Variants in GRID2 observed in about 807,000 individuals in gnomAD.
GRID2 encodes glutamate ionotropic receptor delta type subunit 2.
Under a neutral mutation model 114.8 loss-of-function variants are expected in GRID2, and 33 were observed. The ratio of observed to expected loss-of-function variants is 0.29; its 90% CI spans 0.22 to 0.38. The LOEUF (loss-of-function observed/expected upper bound fraction) is 0.38, where lower values mean the gene tolerates loss of function less well. Among genes scored for constraint, GRID2 ranks in the 10% least tolerant of loss-of-function variants. GRID2 has a pLI of 1.00. For missense variants in GRID2, 1,184 were observed against 1,257.7 expected, an observed-to-expected ratio of 0.94 and a Z score of 0.89; for synonymous variants, 505 against 449.9, an observed-to-expected ratio of 1.12 and a Z score of -1.55.
At chr4:92,971,025 A>T (rs970809914) in intron 2 of GRID2, among the ~76,000 whole-genome samples, 9 of 151,576 alleles carry the variant, frequency 5.9e-5, no homozygotes, top group African/African-American at 1.9e-4. Flanking sequence ...AAAAAAAAAA[A>T]TTTGTACAGA....
At chr4:92,485,849 AAATTTTACGTGG>A (rs1382009558) in intron 1 of GRID2, among the ~76,000 whole-genome samples, 1 of 152,136 alleles carries the variant, frequency 6.6e-6, no homozygotes, top group Admixed American at 6.6e-5. Context: ...AATTTTACAT[AAATTTTACGTGG>A]AATTTTACAT....
intron 10 of GRID2, among the ~76,000 whole-genome samples, chr4:93,446,949 T>C (rs1052662198): frequency 1.4e-4 from 22 of 151,772 alleles, no homozygotes; most frequent in African/African-American, 5.3e-4. Context: ...TTACAAAAAT[T>C]GATAATACAT....
intron 2 of GRID2, among the ~76,000 whole-genome samples, chr4:92,972,122 C>T (rs1161536693): frequency 1.3e-5 from 2 of 151,562 alleles, no homozygotes; most frequent in African/African-American, 4.8e-5. Flanking sequence ...AACTTCCATA[C>T]TGTTCTCCAT....
chr4:93,168,288 GAAGA>G (rs1186568372), intron 4 of GRID2, among the ~76,000 whole-genome samples: 7 of 151,090 alleles, frequency 4.6e-5, no homozygotes, highest in South Asian at 4.2e-4. Flanking sequence ...AAGGAAAGGG[GAAGA>G]AAGAAAGAGA....
chr4:92,527,989 A>G (rs983707855), intron 1 of GRID2, among the ~76,000 whole-genome samples: 1 of 152,044 alleles, frequency 6.6e-6, no homozygotes, highest in African/African-American at 2.4e-5. Context: ...TAATAATGCT[A>G]AAGATAAAAA....
rs188766416 is a variant in GRID2, at chr4:93,231,974, A to T, written c.1126-6397A>T. Among the ~76,000 whole-genome samples, 17 of 152,308 alleles carry T rather than the reference A, an allele frequency of 1.1e-4. No individual in the cohort carries two copies. In the East Asian group the frequency reaches 2.9e-3, roughly 26 times the overall value. ...TGGAAATTTCAAAACTAGCAGGCTT[A>T]GGATATATAAAGCTATGGAAGGAGG... On this transcript the variant is annotated intron_variant, in intron 7 of 15. Transcript: ENST00000282020.
chr4:93,228,786 T>C (rs534825433), intron 7 of GRID2, among the ~76,000 whole-genome samples: 2 of 152,294 alleles, frequency 1.3e-5, no homozygotes, highest in East Asian at 1.9e-4. Flanking sequence ...TATTTCTTCT[T>C]CTGAAGCTTT....
chr4:92,914,262 T>C, intron 2 of GRID2, among the ~76,000 whole-genome samples: 1 of 152,134 alleles, frequency 6.6e-6, no homozygotes, highest in South Asian at 2.1e-4. Flanking sequence ...TTTTACTCAA[T>C]AGTCTATTGG....
chr4:92,797,986 G>C (rs1432735147), intron 2 of GRID2, among the ~76,000 whole-genome samples: 1 of 151,946 alleles, frequency 6.6e-6, no homozygotes, highest in Non-Finnish European at 1.5e-5. Context: ...TTTTAATGGA[G>C]CAGTCAGCCT....
intron 1 of GRID2, among the ~76,000 whole-genome samples, chr4:92,431,136 AC>A (rs1160682509): frequency 1.4e-4 from 22 of 152,312 alleles, no homozygotes; most frequent in African/African-American, 5.1e-4. Context: ...CACTTCCAGT[AC>A]AATGTTGAAT....
intron 14 of GRID2, among the ~76,000 whole-genome samples, chr4:93,733,398 A>T (rs1258218367): frequency 6.6e-6 from 1 of 152,184 alleles, no homozygotes; most frequent in Non-Finnish European, 1.5e-5. Flanking sequence ...TACAAAGTAG[A>T]TCAAAACTAG....
intron 8 of GRID2, among the ~76,000 whole-genome samples, chr4:93,271,682 T>C (rs890602003): frequency 2.0e-4 from 31 of 152,264 alleles, no homozygotes; most frequent in African/African-American, 7.5e-4. Flanking sequence ...AGAAAGGTCA[T>C]AGGACCTGTC....
intron 1 of GRID2, among the ~76,000 whole-genome samples, chr4:92,433,750 T>A (rs921273615): frequency 2.0e-5 from 3 of 152,186 alleles, no homozygotes; most frequent in Non-Finnish European, 4.4e-5. Context: ...TAGGTGTTCC[T>A]GTGGGGAGGA....
intron 4 of GRID2, among the ~76,000 whole-genome samples, chr4:93,136,902 A>G (rs1198328285): frequency 6.6e-6 from 1 of 152,198 alleles, no homozygotes. Flanking sequence ...CTTGTTACCA[A>G]AAATATTAAA....
intron 14 of GRID2, among the ~76,000 whole-genome samples, chr4:93,657,310 C>T (rs1723105500): frequency 6.6e-6 from 1 of 151,888 alleles, no homozygotes; most frequent in Non-Finnish European, 1.5e-5. Context: ...TATTGTATAT[C>T]ATATGTAATA....
At chr4:93,676,432 G>A (rs527772781) in intron 14 of GRID2, among the ~76,000 whole-genome samples, 12 of 152,112 alleles carry the variant, frequency 7.9e-5, no homozygotes, top group Non-Finnish European at 1.5e-4. Flanking sequence ...TGTGCATAAA[G>A]AAGAAAGTCC....
At chr4:93,137,982 T>TTTTTTTTTTTTTTTTTC (rs1560918532) in intron 4 of GRID2, among the ~76,000 whole-genome samples, 1 of 141,892 alleles carries the variant, frequency 7.0e-6, no homozygotes, top group African/African-American at 2.6e-5. Flanking sequence ...TTTTTTTTTT[T>TTTTTTTTTTTTTTTTTC]TTTTTTTTGA....
intron 2 of GRID2, among the ~76,000 whole-genome samples, chr4:93,060,189 G>A (rs367991129): frequency 2.0e-5 from 3 of 152,270 alleles, no homozygotes; most frequent in African/African-American, 7.2e-5. Context: ...CCCAGTTAAT[G>A]AGGTTAGCAG....
At chr4:93,689,101 G>A (rs757327806) in intron 14 of GRID2, among the ~76,000 whole-genome samples, 2 of 151,930 alleles carry the variant, frequency 1.3e-5, no homozygotes, top group Non-Finnish European at 2.9e-5. Flanking sequence ...AGAAGACGAC[G>A]TGAAGACAAT....
Sources: allele counts gnomAD v4.1 joint callset (sites outside exome capture counted in the v4.1 genomes callset), GRCh38; gene constraint gnomAD v4.1.1; transcripts MANE v1.5; gene names NCBI Gene and HGNC (gene_info 2026-07-23, HGNC 2026-07-21).